The following MCC variants were observed in gnomAD, a reference collection of about 807,000 sequenced individuals.
MCC encodes the protein colorectal mutant cancer protein.
In MCC, 90 loss-of-function variants were observed where a neutral mutation model predicts 116.2. That is an observed-to-expected ratio of 0.77 (90% confidence interval 0.65 to 0.92). The LOEUF is 0.92. Ranked by LOEUF, MCC falls within the 40% of genes least tolerant of loss-of-function variation. The pLI is 0.00. For synonymous variants in MCC, 578 were observed against 510.5 expected (o/e 1.13, Z -1.78); for missense variants, 1,516 against 1,312.2 (o/e 1.16, Z -2.40).
In MCC at chr5:113,048,929, T is replaced by C. The variant is rs1411076900; in HGVS notation, c.2655+164A>G. On this transcript the variant is annotated intron_variant, in intron 16 of 18. Coordinates refer to ENST00000408903, the MANE Select transcript of MCC (RefSeq NM_001085377.2). ...TTTCTAAAATGTAGACCTGGTTTCA[T>C]TACACTCAAAATGTCACCTTCTTAG... 3 of 660,058 alleles carry C rather than the reference T, an allele frequency of 4.5e-6. No individual in the cohort carries two copies. In the African/African-American group the frequency reaches 5.4e-5, roughly 12 times the overall value. The allele number at this position is 660,058 out of a possible 1,614,324, so 40.9% of individuals were successfully genotyped here. A position where few individuals can be genotyped will look rare whatever the true frequency, so the allele number is the denominator to read the frequency against.
At chr5:113,350,627 A>G (rs922879896) in intron 2 of MCC, among the ~76,000 whole-genome samples, 8 of 152,180 alleles carry the variant, frequency 5.3e-5, no homozygotes, top group African/African-American at 1.9e-4. Context: ...TGGTCTGGGC[A>G]AAAATTTCTT....
intron 3 of MCC, among the ~76,000 whole-genome samples, chr5:113,257,057 C>T (rs888820230): frequency 6.6e-6 from 1 of 152,136 alleles, no homozygotes; most frequent in Non-Finnish European, 1.5e-5. Flanking sequence ...GTGGTTGTCA[C>T]AAATTTGTCT....
At chr5:113,448,627 C>G (rs1771291594) in intron 1 of MCC, among the ~76,000 whole-genome samples, 1 of 152,150 alleles carries the variant, frequency 6.6e-6, no homozygotes, top group East Asian at 1.9e-4. Context: ...CAAATACACA[C>G]TCCAGTTTTT....
At chr5:113,180,765 G>A (rs1345742897) in intron 3 of MCC, among the ~76,000 whole-genome samples, 13 of 152,142 alleles carry the variant, frequency 8.5e-5, no homozygotes, top group Non-Finnish European at 4.4e-5. Flanking sequence ...TTAATGGCAT[G>A]TCTATCTGGA....
At chr5:113,364,770 G>T (rs902370545) in intron 2 of MCC, among the ~76,000 whole-genome samples, 1 of 152,218 alleles carries the variant, frequency 6.6e-6, no homozygotes, top group African/African-American at 2.4e-5. Context: ...CACACCTGCA[G>T]GCTTAACACC....
Position 113,340,656 on chromosome 5 carries a change from T to C in MCC, c.490A>G (p.Ser164Gly). ...AGCAGCTTCTGGAGGGCTGACTGGC[T>C]CTGCACATCCGGGCTCTGGAGGTCC... is the stretch of plus-strand genomic sequence containing the variant. ...ARDLQSPDVQ[S>G]QSALQKLLEY... The change falls in exon 3 of 19, where the codon AGC becomes GGC. Residue 164 changes from serine to glycine, a missense_variant. Coordinates refer to ENST00000408903, the MANE Select transcript of MCC (RefSeq NM_001085377.2). 6.2e-7 allele frequency: 1 copy of C among 1,614,150 alleles called. No individual in the cohort carries two copies. Among genetic ancestry groups the C allele is most frequent in the East Asian group, 2.2e-5 (1 of 44,866 alleles).
chr5:113,133,953 G>T (rs1758635532), intron 5 of MCC, among the ~76,000 whole-genome samples: 1 of 152,138 alleles, frequency 6.6e-6, no homozygotes, highest in South Asian at 2.1e-4. Flanking sequence ...AATCAGATTT[G>T]TTTTTTGTGC....
chr5:113,400,893 T>C (rs1204748912), intron 1 of MCC, among the ~76,000 whole-genome samples: 2 of 152,218 alleles, frequency 1.3e-5, no homozygotes, highest in African/African-American at 4.8e-5. Flanking sequence ...CTAGCAATAA[T>C]GGTCAGTATG....
intron 1 of MCC, among the ~76,000 whole-genome samples, chr5:113,465,699 G>C (rs574169514): frequency 6.6e-6 from 1 of 152,080 alleles, no homozygotes; most frequent in East Asian, 1.9e-4. Flanking sequence ...AAGAAAGTGA[G>C]CAAAAAGAAA....
chr5:113,162,510 T>C (rs1332946937), intron 3 of MCC, among the ~76,000 whole-genome samples: 11 of 152,030 alleles, frequency 7.2e-5, no homozygotes, highest in Admixed American at 6.5e-4. Flanking sequence ...CTTTTTTTTT[T>C]CCCTGAGACA....
chr5:113,103,429 C>G (rs1431903697), intron 7 of MCC, among the ~76,000 whole-genome samples: 2 of 152,164 alleles, frequency 1.3e-5, no homozygotes, highest in African/African-American at 2.4e-5. Context: ...CCAGGAGATT[C>G]CAGAGAAAGA....
At chr5:113,382,501 G>A (rs1220254869) in intron 2 of MCC, among the ~76,000 whole-genome samples, 1 of 151,910 alleles carries the variant, frequency 6.6e-6, no homozygotes, top group Admixed American at 6.6e-5. Context: ...TGATCCTCCC[G>A]CCTCGGCCTC....
At chr5:113,044,669 G>A (rs534757284) in intron 16 of MCC, 1 of 156,934 alleles carries the variant, frequency 6.4e-6, no homozygotes, top group East Asian at 1.9e-4. Flanking sequence ...CTGCCTCCTG[G>A]GTTCAAGCGA....
At chr5:113,403,222 T>C (rs1461492804) in intron 1 of MCC, among the ~76,000 whole-genome samples, 1 of 152,122 alleles carries the variant, frequency 6.6e-6, no homozygotes, top group African/African-American at 2.4e-5. Flanking sequence ...ACAATGCCAG[T>C]ATTAGCCATG....
Position 113,079,225 on chromosome 5 carries a change from T to C in MCC, c.1784+3635A>G, listed in dbSNP as rs1474184751. ...AGAATCAATATTGTGAAAATGGCCA[T>C]ACTGCCCAAGGCAATTTATAGATTC... is the stretch of plus-strand genomic sequence containing the variant. On this transcript the variant is annotated intron_variant, in intron 11 of 18. Transcript: ENST00000408903. Among the ~76,000 whole-genome samples the C allele has an allele frequency of 3.9e-5, 6 of 152,214 alleles. No individual in the cohort carries two copies. In the East Asian group the frequency reaches 1.2e-3, roughly 29 times the overall value.
intron 6 of MCC, among the ~76,000 whole-genome samples, chr5:113,116,958 A>G (rs951819947): frequency 6.6e-6 from 1 of 152,230 alleles, no homozygotes; most frequent in Non-Finnish European, 1.5e-5. Context: ...AGAAAAGAAA[A>G]AGGTAACAAA....
chr5:113,212,418 G>C (rs1763166932), intron 3 of MCC, among the ~76,000 whole-genome samples: 1 of 152,150 alleles, frequency 6.6e-6, no homozygotes, highest in Middle Eastern at 3.4e-3. Flanking sequence ...CACAGAGAGG[G>C]CTTCATACCA....
At chr5:113,037,797 G>T (rs1224795084) in intron 17 of MCC, among the ~76,000 whole-genome samples, 3 of 152,164 alleles carry the variant, frequency 2.0e-5, no homozygotes, top group Non-Finnish European at 4.4e-5. Context: ...AAGGATGAGG[G>T]AGAATCAGGG....
intron 17 of MCC, among the ~76,000 whole-genome samples, chr5:113,039,597 C>T (rs1751549960): frequency 6.6e-6 from 1 of 152,264 alleles, no homozygotes; most frequent in East Asian, 1.9e-4. Flanking sequence ...CCCAATGCTG[C>T]CAGCACATGT....
Sources: allele counts gnomAD v4.1 joint callset (sites outside exome capture counted in the v4.1 genomes callset), GRCh38; gene constraint gnomAD v4.1.1; transcripts MANE v1.5; gene names NCBI Gene and HGNC (gene_info 2026-07-23, HGNC 2026-07-21).